Variants in VPS13B observed in about 807,000 individuals in gnomAD.
VPS13B encodes the protein vacuolar protein sorting 13 homolog B, also known as intermembrane lipid transfer protein VPS13B.
Under a neutral mutation model 426.4 loss-of-function variants are expected in VPS13B, and 285 were observed. That is an observed-to-expected ratio of 0.67 (90% CI 0.61 to 0.74). The LOEUF is 0.74. Ranked by LOEUF, VPS13B falls within the 30% of genes least tolerant of loss-of-function variation. The pLI, the probability that VPS13B is intolerant of heterozygous loss-of-function variation, is 0.00. For missense variants in VPS13B, 4,537 were observed against 4,782.6 expected (o/e 0.95, Z 1.51); for synonymous variants, 1,676 against 1,676.4 (o/e 1.00, Z 0.01).
At chr8:99,788,097 C>G (rs1812355981) in intron 43 of VPS13B, among the ~76,000 whole-genome samples, 1 of 151,866 alleles carries the variant, frequency 6.6e-6, no homozygotes, top group South Asian at 2.1e-4. Flanking sequence ...TGGTTTATGC[C>G]TGAAATCCTA....
At chr8:99,521,078 A>G in intron 30 of VPS13B, 68 bp downstream of exon 30, 1 of 1,231,658 alleles carries the variant, frequency 8.1e-7, no homozygotes, top group Admixed American at 1.7e-5. Context: ...AGTGGTCAAT[A>G]ACTTAGTGTG....
Position 99,784,403 on chromosome 8 carries a change from A to G in VPS13B, c.7868A>G (p.Asp2623Gly). Residue 2623 changes from aspartate to glycine, a missense_variant, in exon 43 of 62, where the codon GAT (aspartate) becomes GGT (glycine). By Grantham distance (94) the Asp-to-Gly change is moderately conservative. Around this residue, in one of 2 missense-constraint regions of VPS13B, gnomAD observed 4,311 missense variants for 4,474.3 expected, o/e 0.96. Transcript: ENST00000357162. ...TQETLRFGQV[D>G]TDENILLASL... ...GAGACACTGCGGTTTGGCCAGGTGG[A>G]TACTGATGAAAATATTCTGCTGGCG... The G allele has an allele frequency of 6.2e-7, 1 of 1,613,748 alleles. No individual in the cohort carries two copies. Among genetic ancestry groups the G allele is most frequent in the Non-Finnish European group, 8.5e-7 (1 of 1,179,728 alleles).
chr8:99,704,460 A>G (rs1019804897), intron 36 of VPS13B, among the ~76,000 whole-genome samples: 6 of 152,182 alleles, frequency 3.9e-5, no homozygotes, highest in African/African-American at 1.4e-4. Flanking sequence ...GAGTTAGCCT[A>G]AGGGGAAATA....
At chr8:99,701,354 T>C (rs998150447) in intron 36 of VPS13B, among the ~76,000 whole-genome samples, 1 of 152,168 alleles carries the variant, frequency 6.6e-6, no homozygotes, top group African/African-American at 2.4e-5. Flanking sequence ...AGGTTAAGAC[T>C]CAAACAAAAT....
At chr8:99,793,053 A>G (rs1329158078) in intron 43 of VPS13B, among the ~76,000 whole-genome samples, 3 of 150,476 alleles carry the variant, frequency 2.0e-5, no homozygotes, top group Admixed American at 6.6e-5. Context: ...AAAAAAAAAA[A>G]AAAAATTAGG....
Position 99,809,496 on chromosome 8 carries a change from T to C in VPS13B, c.8063T>C (p.Ile2688Thr). 2 of 1,614,102 alleles carry C rather than the reference T, an allele frequency of 1.2e-6. No individual in the cohort carries two copies. Among genetic ancestry groups the C allele is most frequent in the Non-Finnish European group, 1.7e-6 (2 of 1,179,968 alleles). ...QYRGRTASLI[I>T]KVQQLNGVQK... ...AGGGGTCGAACTGCTTCTCTCATCA[T>C]CAAGGTTCAGCAACTCAATGGAGTA... Residue 2688 changes from isoleucine (I) to threonine (T), a missense_variant, in exon 44 of 62, where the codon ATC (isoleucine) becomes ACC (threonine). Coordinates refer to ENST00000357162, the MANE Select transcript of VPS13B (RefSeq NM_152564.5).
At chr8:99,672,306 T>C (rs866863029) in intron 35 of VPS13B, among the ~76,000 whole-genome samples, 1 of 152,306 alleles carries the variant, frequency 6.6e-6, no homozygotes, top group Middle Eastern at 3.4e-3. Flanking sequence ...CACCGTTTTA[T>C]AGTTTTCAGT....
intron 33 of VPS13B, among the ~76,000 whole-genome samples, chr8:99,611,979 T>A (rs1190315513): frequency 6.6e-6 from 1 of 152,152 alleles, no homozygotes; most frequent in Admixed American, 6.6e-5. Flanking sequence ...ATTAGCCCTC[T>A]CTATAACTCC....
intron 19 of VPS13B, among the ~76,000 whole-genome samples, chr8:99,303,126 CA>C (rs1820453483): frequency 6.6e-6 from 1 of 151,472 alleles, no homozygotes; most frequent in Non-Finnish European, 1.5e-5. Context: ...TAAAAATACA[CA>C]AAATTAGCTG....
chr8:99,349,981 C>T (rs543808764), intron 19 of VPS13B, among the ~76,000 whole-genome samples: 2 of 152,000 alleles, frequency 1.3e-5, no homozygotes, highest in East Asian at 3.9e-4. Context: ...TATAAAATTG[C>T]GATTGCAGTA....
intron 7 of VPS13B, among the ~76,000 whole-genome samples, chr8:99,118,489 A>G (rs1258730409): frequency 1.3e-5 from 2 of 152,192 alleles, no homozygotes; most frequent in East Asian, 3.8e-4. Context: ...TCATCAAGAT[A>G]TAGGTCATTA....
Position 99,383,637 on chromosome 8 carries a change from G to GTAA in VPS13B, c.2825-571_2825-570insTAA, listed in dbSNP as rs747396243. Reference sequence around the variant, plus strand: ...TTATTTCTACTCTCCCCTCTCACAGGCCCTGGTAACCACAAATCTACTTTT... The same window carrying GTAA: ...TTATTTCTACTCTCCCCTCTCACAGGTAACCCTGGTAACCACAAATCTACTTTT... On this transcript the variant is annotated intron_variant, in intron 19 of 61. Transcript: ENST00000357162. Among the ~76,000 whole-genome samples the GTAA allele has an allele frequency of 5.6e-3, 852 of 152,020 alleles. 3 individuals are homozygous for GTAA. Among genetic ancestry groups the GTAA allele is most frequent in the Non-Finnish European group, 9.8e-3 (664 of 67,970 alleles).
intron 21 of VPS13B, among the ~76,000 whole-genome samples, chr8:99,404,983 T>A (rs548442981): frequency 1.3e-5 from 2 of 152,222 alleles, no homozygotes; most frequent in African/African-American, 4.8e-5. Flanking sequence ...TGAAGCTTAT[T>A]TTGACTAATA....
At chr8:99,390,080 T>C (rs1224443040) in intron 20 of VPS13B, among the ~76,000 whole-genome samples, 3 of 152,048 alleles carry the variant, frequency 2.0e-5, no homozygotes, top group Admixed American at 6.6e-5. Flanking sequence ...GATAATTTAT[T>C]TAATCTTTTC....
At chr8:99,589,451 C>T (rs1359021043) in intron 33 of VPS13B, among the ~76,000 whole-genome samples, 2 of 151,438 alleles carry the variant, frequency 1.3e-5, no homozygotes, top group African/African-American at 4.9e-5. Context: ...TGAGAACATG[C>T]GGTGTTTGGT....
intron 21 of VPS13B, among the ~76,000 whole-genome samples, chr8:99,403,861 T>C (rs1815185293): frequency 1.3e-5 from 2 of 152,312 alleles, no homozygotes; most frequent in East Asian, 1.9e-4. Flanking sequence ...AGGAAGATGG[T>C]AAATTGATTA....
At chr8:99,173,912 C>T (rs1249502108) in intron 16 of VPS13B, among the ~76,000 whole-genome samples, 1 of 152,180 alleles carries the variant, frequency 6.6e-6, no homozygotes, top group Non-Finnish European at 1.5e-5. Flanking sequence ...TTGCTTAAAA[C>T]AATTGCTATT....
chr8:99,529,731 TG>T (rs1822831291), intron 30 of VPS13B, among the ~76,000 whole-genome samples: 1 of 152,220 alleles, frequency 6.6e-6, no homozygotes, highest in Non-Finnish European at 1.5e-5. Flanking sequence ...AATTCAACAC[TG>T]GTGTGTGAAT....
At chr8:99,252,200 G>A (rs1020452412) in intron 17 of VPS13B, among the ~76,000 whole-genome samples, 3 of 151,792 alleles carry the variant, frequency 2.0e-5, no homozygotes, top group Admixed American at 1.3e-4. Flanking sequence ...GTGCACATTC[G>A]GTGCTATAAA....
Sources: allele counts gnomAD v4.1 joint callset (sites outside exome capture counted in the v4.1 genomes callset), GRCh38; gene constraint gnomAD v4.1.1; regional missense constraint gnomAD v4.1.1; transcripts MANE v1.5; gene names NCBI Gene and HGNC (gene_info 2026-07-23, HGNC 2026-07-21).